The following SNCAIP variants were observed in gnomAD, a reference collection of about 807,000 sequenced individuals.
The protein encoded by SNCAIP is synphilin-1.
Under a neutral mutation model 86.7 loss-of-function variants are expected in SNCAIP, and 43 were observed. The observed-to-expected ratio is 0.50, with a 90% CI of 0.39 to 0.64. The LOEUF (loss-of-function observed/expected upper bound fraction) is 0.64, where lower values mean the gene tolerates loss of function less well. SNCAIP is among the 30% of genes least tolerant of loss of function. SNCAIP has a pLI of 0.00. For synonymous variants in SNCAIP, 417 were observed against 427.2 expected, an observed-to-expected ratio of 0.98 and a Z score of 0.29; for missense variants, 981 against 1,103.1, an observed-to-expected ratio of 0.89 and a Z score of 1.57.
At chr5:122,440,454 C>G (rs1327154284) in intron 6 of SNCAIP, 175 bp from the exon 7 acceptor site, 3 of 646,422 alleles carry the variant, frequency 4.6e-6, no homozygotes, top group Non-Finnish European at 8.2e-6. Context: ...CTCTTTCATT[C>G]ATTTCAGTCA....
chr5:122,334,951 G>A (rs981001943), intron 1 of SNCAIP, among the ~76,000 whole-genome samples: 1 of 152,162 alleles, frequency 6.6e-6, no homozygotes, highest in Non-Finnish European at 1.5e-5. Context: ...AAATGTTACT[G>A]CATTGCCAGA....
intron 1 of SNCAIP, among the ~76,000 whole-genome samples, chr5:122,374,945 C>T (rs546882550): frequency 4.6e-5 from 7 of 152,176 alleles, no homozygotes; most frequent in African/African-American, 1.7e-4. Context: ...TCAGTTTTTG[C>T]ACTTTTAATA....
At chr5:122,440,995 C>T (rs567792340) in intron 7 of SNCAIP, 1 of 486,372 alleles carries the variant, frequency 2.1e-6, no homozygotes, top group African/African-American at 2.0e-5. Context: ...TTCCTGCTCC[C>T]TTATCACTGC....
chr5:122,378,395 T>A (rs1370474645), intron 1 of SNCAIP, among the ~76,000 whole-genome samples: 1 of 135,144 alleles, frequency 7.4e-6, no homozygotes, highest in African/African-American at 2.8e-5. Flanking sequence ...TTGTTTGTTT[T>A]TTTCTTGTAA....
intron 1 of SNCAIP, among the ~76,000 whole-genome samples, chr5:122,319,577 C>T (rs1041021779): frequency 6.6e-6 from 1 of 152,070 alleles, no homozygotes; most frequent in Non-Finnish European, 1.5e-5. Context: ...GGATTCTTTC[C>T]TTGAAGAGAA....
chr5:122,331,747 A>T (rs1264200264), intron 1 of SNCAIP, among the ~76,000 whole-genome samples: 1 of 152,194 alleles, frequency 6.6e-6, no homozygotes, highest in African/African-American at 2.4e-5. Context: ...TTAATCCCGT[A>T]TCGTTCTCTG....
chr5:122,373,619 G>T (rs1764693793), intron 1 of SNCAIP, among the ~76,000 whole-genome samples: 1 of 152,080 alleles, frequency 6.6e-6, no homozygotes, highest in African/African-American at 2.4e-5. Flanking sequence ...TGTATCACTG[G>T]GCATTTACAG....
chr5:122,357,274 T>G (rs953345016), intron 1 of SNCAIP, among the ~76,000 whole-genome samples: 2 of 152,112 alleles, frequency 1.3e-5, no homozygotes, highest in Non-Finnish European at 2.9e-5. Context: ...CTTGCTCTGT[T>G]TCCCAGGCTG....
chr5:122,460,153 G>T (rs1464693079), intron 10 of SNCAIP, among the ~76,000 whole-genome samples: 1 of 150,072 alleles, frequency 6.7e-6, no homozygotes, highest in Admixed American at 6.7e-5. Context: ...ACAGGGTCTT[G>T]CTCAGTCACC....
chr5:122,373,490 A>G (rs1488638196), intron 1 of SNCAIP, among the ~76,000 whole-genome samples: 1 of 152,156 alleles, frequency 6.6e-6, no homozygotes, highest in African/African-American at 2.4e-5. Context: ...AAGACATTTG[A>G]GATAACAATT....
At position 122,330,410 on chromosome 5, in the gene SNCAIP, C is replaced by T. The variant is rs947884687; in HGVS notation, c.-47+18126C>T. Among the ~76,000 whole-genome samples the T allele has an allele frequency of 4.6e-5, 7 of 152,204 alleles. No homozygotes were observed. In the East Asian group the frequency reaches 9.7e-4, roughly 21 times the overall value. ...TGCTGGGATTACAGGCGTGAGCCACCGCGCCCGGCCTCATTTCTTAACAAT... is the reference window on the plus strand; with the variant it reads ...TGCTGGGATTACAGGCGTGAGCCACTGCGCCCGGCCTCATTTCTTAACAAT... On this transcript the variant is annotated intron_variant, in intron 1 of 10. Transcript: ENST00000261368.
intron 1 of SNCAIP, among the ~76,000 whole-genome samples, chr5:122,376,723 C>A (rs1007218790): frequency 6.6e-6 from 1 of 152,082 alleles, no homozygotes; most frequent in African/African-American, 2.4e-5. Context: ...CCTTAACCTC[C>A]AATTTCACTC....
intron 8 of SNCAIP, among the ~76,000 whole-genome samples, chr5:122,445,538 G>A (rs1162465621): frequency 6.6e-6 from 1 of 151,918 alleles, no homozygotes; most frequent in Non-Finnish European, 1.5e-5. Context: ...TCCAGATTGG[G>A]GAGGGTTTCC....
intron 1 of SNCAIP, chr5:122,312,901 A>G (rs1750914251): frequency 6.6e-6 from 1 of 152,224 alleles, no homozygotes; most frequent in African/African-American, 2.4e-5. Flanking sequence ...TCTCTTGGCG[A>G]TGACTTTCAT....
intron 1 of SNCAIP, among the ~76,000 whole-genome samples, chr5:122,315,156 C>A (rs1306054934): frequency 6.6e-6 from 1 of 152,200 alleles, no homozygotes; most frequent in Non-Finnish European, 1.5e-5. Flanking sequence ...GCAATTTGAG[C>A]TGGGCTCAGT....
chr5:122,312,068 C>T (rs1249764497), upstream of SNCAIP: 2 of 146,472 alleles, frequency 1.4e-5, no homozygotes, highest in Non-Finnish European at 3.0e-5. Context: ...GGCTTCGGGC[C>T]GCGGCCGCCC....
At chr5:122,411,871 C>A (rs1208795909) in intron 3 of SNCAIP, among the ~76,000 whole-genome samples, 1 of 152,168 alleles carries the variant, frequency 6.6e-6, no homozygotes. Flanking sequence ...GATACCAGCC[C>A]ATTGTTTTTA....
chr5:122,461,682 T>TC, intron 10 of SNCAIP, among the ~76,000 whole-genome samples: 1 of 149,090 alleles, frequency 6.7e-6, no homozygotes, highest in African/African-American at 2.5e-5. Flanking sequence ...TTTTTTTTTT[T>TC]TTCTTTTTCT....
At chr5:122,438,508 G>C (rs553792025) in intron 6 of SNCAIP, among the ~76,000 whole-genome samples, 1 of 152,264 alleles carries the variant, frequency 6.6e-6, no homozygotes, top group South Asian at 2.1e-4. Context: ...TTACTTGTTT[G>C]TATTAGTCTT....
Sources: allele counts gnomAD v4.1 joint callset (sites outside exome capture counted in the v4.1 genomes callset), GRCh38; gene constraint gnomAD v4.1.1; transcripts MANE v1.5; gene names NCBI Gene and HGNC (gene_info 2026-07-23, HGNC 2026-07-21).